Variants in MARK3 observed in about 807,000 individuals in gnomAD.
MARK3 encodes the protein microtubule affinity regulating kinase 3.
In MARK3, 46 loss-of-function variants were observed where a neutral mutation model predicts 90.1. That is an observed-to-expected ratio of 0.51 (90% CI 0.40 to 0.65). MARK3 has a LOEUF of 0.65. MARK3 is among the 30% of genes least tolerant of loss of function. The pLI is 0.00. For synonymous variants in MARK3, 321 were observed against 332.6 expected, an observed-to-expected ratio of 0.97 and a Z score of 0.38; for missense variants, 818 against 947.2, an observed-to-expected ratio of 0.86 and a Z score of 1.79.
In MARK3 at chr14:103,483,805, C is replaced by T. The variant is rs12880652; in HGVS notation, c.1586+3315C>T. On this transcript the variant is annotated intron_variant, in intron 14 of 17. Coordinates refer to ENST00000429436, the MANE Select transcript of MARK3 (RefSeq NM_001128918.3). ...AGGCGTGACTAATGGTTGGTGTAAA[C>T]TAGGCATGAGAAGGTTTGATTACAC... 8.0e-3 allele frequency among the ~76,000 whole-genome samples: 1,215 copies of T among 152,272 alleles called. 8 individuals are homozygous for T. The highest frequency in any genetic ancestry group is 0.02 in the Middle Eastern group (6 of 294).
intron 5 of MARK3, among the ~76,000 whole-genome samples, chr14:103,452,471 C>CTTTTTTTTTTT (rs71126026): frequency 3.1e-5 from 3 of 97,472 alleles, no homozygotes; most frequent in Admixed American, 1.3e-4. Context: ...CAGGATTTGT[C>CTTTTTTTTTTT]TTTTTTTTTT....
At chr14:103,422,200 A>G (rs2092247137) in intron 2 of MARK3, among the ~76,000 whole-genome samples, 1 of 152,222 alleles carries the variant, frequency 6.6e-6, no homozygotes, top group Non-Finnish European at 1.5e-5. Context: ...CATGCCTGTG[A>G]ATCCCAGCAC....
At chr14:103,487,394 A>AT (rs1232452309) in intron 14 of MARK3, among the ~76,000 whole-genome samples, 2 of 151,128 alleles carry the variant, frequency 1.3e-5, no homozygotes, top group African/African-American at 4.9e-5. Context: ...TAGAGGATCC[A>AT]TTTTTTTTCT....
chr14:103,492,585 A>G (rs2094036238), intron 15 of MARK3, among the ~76,000 whole-genome samples: 1 of 152,142 alleles, frequency 6.6e-6, no homozygotes, highest in Non-Finnish European at 1.5e-5. Flanking sequence ...TTGGAGATAA[A>G]ATCTCTGGTT....
intron 2 of MARK3, among the ~76,000 whole-genome samples, chr14:103,414,643 A>C (rs959680592): frequency 6.6e-6 from 1 of 152,218 alleles, no homozygotes; most frequent in African/African-American, 2.4e-5. Context: ...AGTGGCATTG[A>C]TGATTTGGGG....
chr14:103,469,718 G>A (rs2093589021), intron 12 of MARK3, among the ~76,000 whole-genome samples: 1 of 151,968 alleles, frequency 6.6e-6, no homozygotes, highest in Non-Finnish European at 1.5e-5. Context: ...CTCCCAAAGT[G>A]CTGGATTACA....
At position 103,500,287 on chromosome 14, in the gene MARK3, A is replaced by T; in HGVS notation, c.1916+87A>T. Reference sequence around the variant, plus strand: ...GGCGACTATTTTCTGAATGTTCCCTACTGTATTCCTGCTGTCTCTGTAGGA... The same window carrying T: ...GGCGACTATTTTCTGAATGTTCCCTTCTGTATTCCTGCTGTCTCTGTAGGA... On this transcript the variant is annotated intron_variant, in intron 17 of 17. Transcript: ENST00000429436. 3.0e-6 allele frequency: 3 copies of T among 985,282 alleles called. No homozygotes were observed. The South Asian group carries it at 4.9e-5, about 16-fold the overall frequency. The allele number at this position is 985,282 out of a possible 1,614,324, so 61.0% of individuals were successfully genotyped here. A position where few individuals can be genotyped will look rare whatever the true frequency, so the allele number is the denominator to read the frequency against.
intron 6 of MARK3, among the ~76,000 whole-genome samples, chr14:103,457,620 AACTTT>A (rs1480725650): frequency 1.3e-5 from 2 of 152,228 alleles, no homozygotes; most frequent in African/African-American, 4.8e-5. Context: ...GTTAATTAGT[AACTTT>A]ACTTCTTGCT....
chr14:103,458,627 C>CT, intron 6 of MARK3: 1 of 552,334 alleles, frequency 1.8e-6, no homozygotes, highest in Non-Finnish European at 3.2e-6. Context: ...TGCTTCACTG[C>CT]TTTTAAATTA....
chr14:103,469,607 C>G (rs566397304), intron 12 of MARK3, among the ~76,000 whole-genome samples: 91 of 152,058 alleles, frequency 6.0e-4, no homozygotes, highest in Non-Finnish European at 1.2e-3. Flanking sequence ...GCACACACCA[C>G]CACACCTGGC....
intron 2 of MARK3, among the ~76,000 whole-genome samples, chr14:103,426,622 C>T (rs907537102): frequency 5.9e-5 from 9 of 152,266 alleles, no homozygotes; most frequent in Non-Finnish European, 1.2e-4. Context: ...CTTTTCTTCC[C>T]TTCTATTGTC....
intron 1 of MARK3, among the ~76,000 whole-genome samples, chr14:103,397,167 T>C (rs948092708): frequency 6.6e-6 from 1 of 152,138 alleles, no homozygotes; most frequent in Admixed American, 6.6e-5. Flanking sequence ...TGATTTTCTC[T>C]TGGGGCAGGA....
Position 103,498,660 on chromosome 14 carries a change from A to G in MARK3, c.1871+132A>G, listed in dbSNP as rs902613085. On this transcript the variant is annotated intron_variant, in intron 16 of 17. Coordinates refer to ENST00000429436, the MANE Select transcript of MARK3 (RefSeq NM_001128918.3). ...ACTTTCTGCTGATAACTAAATACTT[A>G]ATTCCTTGAAAGGAAATTGAAAAGA... The G allele has an allele frequency of 4.7e-6, 4 of 850,256 alleles. No individual in the cohort carries two copies. The African/African-American group carries it at 5.3e-5, about 11-fold the overall frequency. The allele number at this position is 850,256 out of a possible 1,614,324, so 52.7% of individuals were successfully genotyped here. A position where few individuals can be genotyped will look rare whatever the true frequency, so the allele number is the denominator to read the frequency against.
chr14:103,477,467 G>A (rs1192836605), intron 13 of MARK3, among the ~76,000 whole-genome samples: 1 of 151,952 alleles, frequency 6.6e-6, no homozygotes, highest in Non-Finnish European at 1.5e-5. Context: ...ACTCCAGCCT[G>A]GGTAACAGAG....
At chr14:103,452,064 C>T in intron 5 of MARK3, 81 bp downstream of exon 5, 1 of 903,238 alleles carries the variant, frequency 1.1e-6, no homozygotes, top group South Asian at 1.5e-5. Context: ...CCATATGGGT[C>T]ATCATTAAGG....
intron 4 of MARK3, among the ~76,000 whole-genome samples, chr14:103,450,875 A>ATGTGTGT (rs1290999020): frequency 1.2e-4 from 14 of 114,828 alleles, no homozygotes; most frequent in African/African-American, 4.6e-4. Flanking sequence ...TCATTTTTAA[A>ATGTGTGT]GTGTGTGTGT....
chr14:103,497,620 A>G (rs1439929636), intron 15 of MARK3, among the ~76,000 whole-genome samples: 1 of 152,146 alleles, frequency 6.6e-6, no homozygotes, highest in Non-Finnish European at 1.5e-5. Flanking sequence ...GTTTTTATTC[A>G]TTTTGAGATC....
At chr14:103,489,336 G>A (rs947631652) in intron 14 of MARK3, 5 of 152,316 alleles carry the variant, frequency 3.3e-5, no homozygotes. Flanking sequence ...AAAGCCTAGA[G>A]AGATGGCAGG....
At chr14:103,481,224 A>G (rs1487443556) in intron 14 of MARK3, among the ~76,000 whole-genome samples, 3 of 152,218 alleles carry the variant, frequency 2.0e-5, no homozygotes, top group Non-Finnish European at 4.4e-5. Flanking sequence ...TTGGTAGAGA[A>G]TAGCTAAATA....
Sources: allele counts gnomAD v4.1 joint callset (sites outside exome capture counted in the v4.1 genomes callset), GRCh38; gene constraint gnomAD v4.1.1; transcripts MANE v1.5; gene names NCBI Gene and HGNC (gene_info 2026-07-23, HGNC 2026-07-21).